ANK2: variants seen among roughly 807,000 people sequenced by gnomAD.
ANK2 encodes the protein ankyrin 2.
Under a neutral mutation model 360.5 loss-of-function variants are expected in ANK2, and 83 were observed. The observed-to-expected ratio is 0.23, with a 90% CI of 0.19 to 0.28. ANK2 has a LOEUF of 0.28. Ranked by LOEUF, ANK2 falls within the 10% of genes least tolerant of loss-of-function variation. The pLI is 1.00. For synonymous variants in ANK2, 1,740 were observed against 1,759.5 expected (o/e 0.99, Z 0.28); for missense variants, 4,201 against 4,795.7 (o/e 0.88, Z 3.66).
At chr4:113,293,338 G>A (rs2068879062) in intron 21 of ANK2, 102 bp from the exon 22 acceptor site, 6 of 1,012,582 alleles carry the variant, frequency 5.9e-6, no homozygotes, top group Non-Finnish European at 9.1e-6. Context: ...GCCTTGTTTT[G>A]GAAGGAAATG....
chr4:112,990,662 A>G lies in ANK2; in HGVS notation c.21+86148A>G, dbSNP rs2046429443. ...AGATACCAATTTTGAGGAGTATAGT[A>G]GACAAAGGGCATGACTCACTGCTTG... On this transcript the variant is annotated intron_variant, in intron 2 of 30. Coordinates refer to the ANK2 transcript ENST00000503271. Among the ~76,000 whole-genome samples the G allele has an allele frequency of 2.0e-5, 3 of 152,304 alleles. No individual in the cohort carries two copies. In the South Asian group the frequency reaches 6.2e-4, roughly 32 times the overall value.
At chr4:112,843,733 T>C (rs901568778) in intron 1 of ANK2, among the ~76,000 whole-genome samples, 1 of 152,162 alleles carries the variant, frequency 6.6e-6, no homozygotes, top group African/African-American at 2.4e-5. Context: ...AATACCAATG[T>C]ATTATGTTTG....
At chr4:112,773,549 A>G in the ANK2 span, among the ~76,000 whole-genome samples, 1 of 152,182 alleles carries the variant, frequency 6.6e-6, no homozygotes, top group African/African-American at 2.4e-5. Context: ...GTTTTTACCT[A>G]GGTAACATTT....
chr4:113,007,488 C>T lies in ANK2; in HGVS notation c.21+102974C>T, dbSNP rs542053442. Among the ~76,000 whole-genome samples the T allele has an allele frequency of 7.7e-4, 117 of 152,184 alleles. 1 individual carries two copies. In the South Asian group the frequency reaches 0.023, roughly 30 times the overall value. ...TAGGGCATCAGAGTATGTTTTTTTCCCGTGTGCTTCTTAGAAAGTGTTTTA... is the reference window on the plus strand; with the variant it reads ...TAGGGCATCAGAGTATGTTTTTTTCTCGTGTGCTTCTTAGAAAGTGTTTTA... On this transcript the variant is annotated intron_variant, in intron 2 of 30. Transcript: ENST00000503271.
chr4:112,842,155 G>A (rs140591196), intron 1 of ANK2, among the ~76,000 whole-genome samples: 15,066 of 151,906 alleles, frequency 0.099, 954 homozygotes, highest in Non-Finnish European at 0.14. Context: ...AATTACAGGC[G>A]CCCACAACCA....
intron 1 of ANK2, among the ~76,000 whole-genome samples, chr4:113,068,935 T>C (rs1014364677): frequency 6.6e-6 from 1 of 152,044 alleles, no homozygotes; most frequent in African/African-American, 2.4e-5. Context: ...TGGTGGTGCA[T>C]GCCTATAGTC....
At chr4:112,774,942 G>T in the ANK2 span, among the ~76,000 whole-genome samples, 156 of 152,308 alleles carry the variant, frequency 1.0e-3, no homozygotes, top group Non-Finnish European at 1.8e-3. Flanking sequence ...AGAGAATCAG[G>T]CCGCTGGAGA....
chr4:113,339,383 T>G, intron 32 of ANK2, 61 bp downstream of exon 32: 4 of 1,232,174 alleles, frequency 3.2e-6, no homozygotes, highest in Non-Finnish European at 4.8e-6. Context: ...AAAACTGCCC[T>G]TTGTTTTATT....
At position 113,255,863 on chromosome 4, in the gene ANK2, G is replaced by A. The variant is rs139123934; in HGVS notation, c.1119G>A (p.Ala373=). The A allele has an allele frequency of 2.5e-5, 40 of 1,614,166 alleles. No homozygotes were observed. Among genetic ancestry groups the A allele is most frequent in the African/African-American group, 2.0e-4 (15 of 75,042 alleles). The part of the protein sequence containing the change: ...LDYLTALHVA[A]HCGHYRVTKL... Reference sequence around the variant, plus strand: ...ACCTGACAGCCCTCCACGTTGCTGCGCACTGTGGCCACTACCGTGTAACCA... The same window carrying A: ...ACCTGACAGCCCTCCACGTTGCTGCACACTGTGGCCACTACCGTGTAACCA... The change falls in exon 11 of 46, where the codon GCG becomes GCA. Residue 373 remains alanine, a synonymous_variant. Coordinates refer to ENST00000357077, the MANE Select transcript of ANK2 (RefSeq NM_001148.6).
intron 14 of ANK2, among the ~76,000 whole-genome samples, chr4:113,269,545 T>C (rs1165536476): frequency 6.6e-6 from 1 of 152,206 alleles, no homozygotes; most frequent in Non-Finnish European, 1.5e-5. Flanking sequence ...CCTGACCCCT[T>C]GTGCTTTCCA....
At chr4:113,063,320 A>G (rs2074295715) in intron 1 of ANK2, among the ~76,000 whole-genome samples, 1 of 152,118 alleles carries the variant, frequency 6.6e-6, no homozygotes, top group Non-Finnish European at 1.5e-5. Flanking sequence ...GGTAACAATC[A>G]TTATTAAAAT....
At chr4:112,733,492 A>T in the ANK2 span, among the ~76,000 whole-genome samples, 1 of 152,176 alleles carries the variant, frequency 6.6e-6, no homozygotes, top group African/African-American at 2.4e-5. Flanking sequence ...TCATACATGT[A>T]CACATTTTTT....
At chr4:112,706,701 G>GT in the ANK2 span, 2,574 of 152,290 alleles carry the variant, frequency 0.017, 49 homozygotes, top group African/African-American at 0.047. Context: ...TCATCTAGAG[G>GT]TTACTCACCA....
At chr4:113,346,081 T>C (rs1256658841) in intron 35 of ANK2, 59 bp downstream of exon 35, 1 of 1,601,898 alleles carries the variant, frequency 6.2e-7, no homozygotes, top group African/African-American at 1.3e-5. Context: ...TTTTAAATCT[T>C]GTTTTAGGTC....
chr4:112,940,470 G>C (rs188974645), intron 2 of ANK2, among the ~76,000 whole-genome samples: 1,740 of 152,172 alleles, frequency 0.011, 32 homozygotes, highest in African/African-American at 0.04. Context: ...AACACACACA[G>C]AGAAGATCTA....
At chr4:113,262,157 A>G (rs1242615647) in intron 13 of ANK2, among the ~76,000 whole-genome samples, 1 of 152,160 alleles carries the variant, frequency 6.6e-6, no homozygotes, top group Non-Finnish European at 1.5e-5. Flanking sequence ...TCTTATCATC[A>G]TTTCTACCAA....
rs114751185 is a variant in ANK2 at position 112,920,345 on chromosome 4, C to T, written c.21+15831C>T. On this transcript the variant is annotated intron_variant, in intron 2 of 30. Coordinates refer to the ANK2 transcript ENST00000503271. The stretch of plus-strand genomic sequence containing the variant: ...AGATGGTTTTAGGGAGAGACATGGT[C>T]TCATGACATTAGAGTGGGAAATGTC... 5.6e-3 allele frequency among the ~76,000 whole-genome samples: 846 copies of T among 152,262 alleles called. 3 individuals are homozygous for T. The highest frequency in any genetic ancestry group is 9.0e-3 in the Non-Finnish European group (612 of 68,014).
intron 1 of ANK2, among the ~76,000 whole-genome samples, chr4:113,097,990 T>C (rs567458411): frequency 3.3e-5 from 5 of 151,158 alleles, no homozygotes; most frequent in Non-Finnish European, 7.4e-5. Context: ...TAAAATATCT[T>C]AGTGGTTTAT....
Position 113,199,091 on chromosome 4 carries a change from T to C in ANK2, c.366T>C (p.Asn122=). Residue 122 remains asparagine, a synonymous_variant, in exon 4 of 46, where the codon AAT becomes AAC. Transcript: ENST00000357077. ...AAGTTCTTGTTAAGGAAGGAGCCAA[T>C]ATTAATGCACAGTCTCAGGTATTCC... ...VVKVLVKEGA[N]INAQSQNGFT... is the part of the protein sequence containing the mutation. 6.2e-7 allele frequency: 1 copy of C among 1,611,184 alleles called. No individual in the cohort carries two copies.
Sources: gnomAD v4.1 joint callset for allele counts (sites outside exome capture counted in the v4.1 genomes callset) on GRCh38, gnomAD v4.1.1 for gene constraint, MANE v1.5 for transcripts, NCBI Gene and HGNC (gene_info 2026-07-23, HGNC 2026-07-21) for gene names.